Variants in ARHGEF10 observed in about 807,000 individuals in gnomAD.
ARHGEF10 encodes Rho guanine nucleotide exchange factor (GEF) 10.
Under a neutral mutation model 147.4 loss-of-function variants are expected in ARHGEF10, and 140 were observed. The observed-to-expected ratio is 0.95, with a 90% CI of 0.83 to 1.09. ARHGEF10 has a LOEUF of 1.09. ARHGEF10 is among the 50% of genes least tolerant of loss of function. ARHGEF10 has a pLI of 0.00. For missense variants in ARHGEF10, 2,222 were observed against 1,752.7 expected (o/e 1.27, Z -4.78); for synonymous variants, 902 against 695.8 (o/e 1.30, Z -4.67).
At chr8:1,951,271 G>A (rs1029688275) in intron 27 of ARHGEF10, among the ~76,000 whole-genome samples, 2 of 152,220 alleles carry the variant, frequency 1.3e-5, no homozygotes, top group African/African-American at 4.8e-5. Context: ...TGGGAATCGC[G>A]TACCCTGCGT....
intron 9 of ARHGEF10, 70 bp downstream of exon 9, chr8:1,880,234 T>A: frequency 9.3e-7 from 1 of 1,078,946 alleles, no homozygotes; most frequent in South Asian, 1.2e-5. Context: ...CGCGGCTCGG[T>A]CGGTCCTTGC....
rs535594007 is a variant in ARHGEF10 at position 1,882,680 on chromosome 8, C to G, written c.1006C>G (p.Leu336Val). The change falls in exon 10 of 29, where the codon CTG (leucine) becomes GTG (valine). Residue 336 changes from leucine to valine, a missense_variant. Transcript: ENST00000349830. ...CGCGAAGGACGGCACCAAGGACGGG[C>G]TGGAGAGGACCAGGGCAGCCGTGAA... ...KAAKDGTKDG[L>V]ERTRAAVKRG... 4 of 1,557,022 alleles carry G rather than the reference C, an allele frequency of 2.6e-6. No homozygotes were observed. The South Asian group carries it at 4.7e-5, about 18-fold the overall frequency.
At chr8:1,887,039 A>AC (rs1808722397) in intron 11 of ARHGEF10, among the ~76,000 whole-genome samples, 1 of 152,098 alleles carries the variant, frequency 6.6e-6, no homozygotes, top group Non-Finnish European at 1.5e-5. Context: ...ATGGCTGAAC[A>AC]CCTTCTTGCC....
chr8:1,844,635 C>T (rs893016732), intron 2 of ARHGEF10, among the ~76,000 whole-genome samples: 2 of 152,170 alleles, frequency 1.3e-5, no homozygotes, highest in Admixed American at 1.3e-4. Flanking sequence ...AAACCCGAGG[C>T]CACAGCTCCA....
chr8:1,948,533 G>A lies in ARHGEF10; in HGVS notation c.3397+2878G>A, dbSNP rs1465074556. Among the ~76,000 whole-genome samples, 3 of 152,196 alleles carry A rather than the reference G, an allele frequency of 2.0e-5. No homozygotes were observed. Among genetic ancestry groups the A allele is most frequent in the Non-Finnish European group, 4.4e-5 (3 of 68,032 alleles). On this transcript the variant is annotated intron_variant, in intron 27 of 28. Coordinates refer to ENST00000349830, the MANE Select transcript of ARHGEF10 (RefSeq NM_014629.4). The surrounding 1 kb of genome is among the most constrained non-coding windows in gnomAD (Gnocchi z 4.9). ...TGCCACCGTGGCCTTGTCAGCAGGA[G>A]AAAGGTACACGGGTTAGAGGCAACC... is the stretch of plus-strand genomic sequence containing the variant.
intron 26 of ARHGEF10, among the ~76,000 whole-genome samples, chr8:1,938,931 C>A (rs904121956): frequency 6.8e-6 from 1 of 148,114 alleles, no homozygotes; most frequent in African/African-American, 2.6e-5. Context: ...ACCCTGAACA[C>A]TGTGGAATCC....
At chr8:1,872,650 A>T (rs1807225542) in intron 7 of ARHGEF10, among the ~76,000 whole-genome samples, 1 of 152,240 alleles carries the variant, frequency 6.6e-6, no homozygotes. Context: ...TTTAAAAAGC[A>T]CTTGCTGAGA....
At chr8:1,956,145 G>T (rs1815546770) in intron 28 of ARHGEF10, among the ~76,000 whole-genome samples, 1 of 152,224 alleles carries the variant, frequency 6.6e-6, no homozygotes, top group African/African-American at 2.4e-5. Flanking sequence ...GAATCAGTGT[G>T]GGGGTTGCGG....
chr8:1,893,414 T>C (rs1809709766), intron 11 of ARHGEF10, among the ~76,000 whole-genome samples, 155 bp from the exon 12 acceptor site: 1 of 152,222 alleles, frequency 6.6e-6, no homozygotes, highest in African/African-American at 2.4e-5. Flanking sequence ...CGAAGTATGT[T>C]TTGTACCTGT....
intron 28 of ARHGEF10, among the ~76,000 whole-genome samples, chr8:1,956,199 G>A (rs4876267): frequency 0.35 from 53,792 of 152,074 alleles, 9,959 homozygotes; most frequent in East Asian, 0.54. Flanking sequence ...TTTCTGATAC[G>A]ATCGTGACTT....
At chr8:1,875,525 C>A (rs929674375) in intron 7 of ARHGEF10, among the ~76,000 whole-genome samples, 1 of 152,134 alleles carries the variant, frequency 6.6e-6, no homozygotes, top group Non-Finnish European at 1.5e-5. Context: ...GCTGGGTGCC[C>A]GGGTGGTGAT....
chr8:1,845,266 C>T (rs1441084593), intron 2 of ARHGEF10, among the ~76,000 whole-genome samples: 1 of 152,128 alleles, frequency 6.6e-6, no homozygotes, highest in African/African-American at 2.4e-5. Flanking sequence ...CTCCACGGGC[C>T]CACTTTGGGC....
chr8:1,926,493 A>T, intron 23 of ARHGEF10, 30 bp downstream of exon 23: 1 of 1,588,146 alleles, frequency 6.3e-7, no homozygotes, highest in Non-Finnish European at 8.6e-7. Context: ...TTTTGGTACA[A>T]GTTCACAGAG....
intron 25 of ARHGEF10, among the ~76,000 whole-genome samples, chr8:1,932,373 T>C: frequency 6.6e-6 from 1 of 152,194 alleles, no homozygotes; most frequent in Non-Finnish European, 1.5e-5. Context: ...GTGCCTTGAG[T>C]GCACATGTGC....
At position 1,874,893 on chromosome 8, in the gene ARHGEF10, C is replaced by T. The variant is rs865985904; in HGVS notation, c.680-1678C>T. Reference sequence around the variant, plus strand: ...TCTGGTGGGAGAGTGCAGACACACCCGGGGCCGTGTAGGGGGTACAGGTTC... The same window carrying T: ...TCTGGTGGGAGAGTGCAGACACACCTGGGGCCGTGTAGGGGGTACAGGTTC... On this transcript the variant is annotated intron_variant, in intron 7 of 28. Transcript: ENST00000349830. 4.4e-3 allele frequency among the ~76,000 whole-genome samples: 152 copies of T among 34,746 alleles called. 5 individuals carry two copies. Among genetic ancestry groups the T allele is most frequent in the African/African-American group, 0.016 (141 of 8,712 alleles). The allele number at this position is 34,746 out of a possible 152,430, so 22.8% of individuals were successfully genotyped here.
intron 11 of ARHGEF10, among the ~76,000 whole-genome samples, chr8:1,892,466 T>G (rs953887376): frequency 6.6e-6 from 1 of 152,208 alleles, no homozygotes; most frequent in African/African-American, 2.4e-5. Context: ...GAGTAATCTC[T>G]CCATTGTTAA....
At chr8:1,832,885 GAGGCAGACGCAGAGACAGAGAGAC>G (rs1258682619) in intron 1 of ARHGEF10, among the ~76,000 whole-genome samples, 5 of 128,622 alleles carry the variant, frequency 3.9e-5, no homozygotes, top group African/African-American at 1.2e-4. Flanking sequence ...CAGAGAGACA[GAGGCAGACGCAGAGACAGAGAGAC>G]AGACAGAGGC....
At chr8:1,884,544 C>T (rs959917002) in intron 10 of ARHGEF10, among the ~76,000 whole-genome samples, 1 of 152,086 alleles carries the variant, frequency 6.6e-6, no homozygotes, top group African/African-American at 2.4e-5. Context: ...GGTGCCAGGC[C>T]CTCCTTCCCT....
chr8:1,920,964 T>G (rs1812241050), intron 18 of ARHGEF10, among the ~76,000 whole-genome samples: 1 of 152,144 alleles, frequency 6.6e-6, no homozygotes, highest in Non-Finnish European at 1.5e-5. Context: ...TTTTGTATTT[T>G]TAGTAGAGAC....
Sources: gnomAD v4.1 joint callset for allele counts (sites outside exome capture counted in the v4.1 genomes callset) on GRCh38, gnomAD v4.1.1 for gene constraint, Gnocchi (gnomAD v3.1) non-coding constraint, MANE v1.5 for transcripts, NCBI Gene and HGNC (gene_info 2026-07-23, HGNC 2026-07-21) for gene names.